KNL1: variants seen among roughly 807,000 people sequenced by gnomAD.
KNL1 encodes kinetochore scaffold 1.
A neutral mutation model predicts 201.3 loss-of-function variants in KNL1; 66 were observed. The observed-to-expected ratio is 0.33, with a 90% CI of 0.27 to 0.40. The LOEUF (loss-of-function observed/expected upper bound fraction) is 0.40, where lower values mean the gene tolerates loss of function less well. Ranked by LOEUF, KNL1 falls within the 10% of genes least tolerant of loss-of-function variation. KNL1 has a pLI of 1.00. For synonymous variants in KNL1, 895 were observed against 899.2 expected (o/e 1.00, Z 0.08); for missense variants, 2,815 against 2,690.5 (o/e 1.05, Z -1.02).
Position 40,606,457 on chromosome 15 carries a change from G to A in KNL1, c.135+5G>A, listed in dbSNP as rs757471811. 7 of 1,498,462 alleles carry A rather than the reference G, an allele frequency of 4.7e-6. No homozygotes were observed. The African/African-American group carries it at 8.2e-5, about 18-fold the overall frequency. 92.8% of individuals were successfully genotyped at this position (1,498,462 alleles called of 1,614,324 possible). On this transcript the variant is annotated splice_donor_5th_base_variant and intron_variant, in intron 4 of 25. Coordinates refer to ENST00000399668, the MANE Select transcript of KNL1 (RefSeq NM_144508.5). ...GGTGGGAATGAAAGAGTTCAGGTAA[G>A]TCTTTTGTGCAAATACTTTATAGAT...
At chr15:40,611,576 G>A (rs746640757) in intron 7 of KNL1, 65 bp downstream of exon 7, 2 of 175,972 alleles carry the variant, frequency 1.1e-5, no homozygotes, top group Non-Finnish European at 2.6e-5. Context: ...TCTTATTTTT[G>A]TGTTCCTTTT....
rs1428751835 is a variant in KNL1 at position 40,623,977 on chromosome 15, A to G, written c.3713A>G (p.Asn1238Ser). The change falls in exon 10 of 26, where the codon AAT (asparagine) becomes AGT (serine). Residue 1238 changes from asparagine (N) to serine (S), a missense_variant. Transcript: ENST00000399668. ...EQKQQLFAAT[N>S]RTTNEIIKFH... Reference sequence around the variant, plus strand: ...AAGCAACAACTCTTTGCTGCTACTAATAGAACTACTAATGAAATCATCAAA... The same window carrying G: ...AAGCAACAACTCTTTGCTGCTACTAGTAGAACTACTAATGAAATCATCAAA... 3 of 1,613,748 alleles carry G rather than the reference A, an allele frequency of 1.9e-6. No individual in the cohort carries two copies. Among genetic ancestry groups the G allele is most frequent in the Non-Finnish European group, 8.5e-7 (1 of 1,179,826 alleles).
At chr15:40,651,740 G>C (rs908060009) in intron 20 of KNL1, among the ~76,000 whole-genome samples, 168 bp downstream of exon 20, 5 of 152,142 alleles carry the variant, frequency 3.3e-5, no homozygotes, top group South Asian at 2.1e-4. Context: ...TAGAGTAGAA[G>C]AACTATGGAA....
At chr15:40,626,505 G>A (rs967728860) in intron 10 of KNL1, among the ~76,000 whole-genome samples, 1 of 151,990 alleles carries the variant, frequency 6.6e-6, no homozygotes, top group Non-Finnish European at 1.5e-5. Flanking sequence ...TAGATTATCT[G>A]CTATGTCTTA....
At chr15:40,614,861 T>C (rs915628446) in intron 7 of KNL1, among the ~76,000 whole-genome samples, 1 of 152,164 alleles carries the variant, frequency 6.6e-6, no homozygotes, top group Non-Finnish European at 1.5e-5. Flanking sequence ...AGGTCATTTT[T>C]TGAAAAAATA....
At position 40,620,633 on chromosome 15, in the gene KNL1, A is replaced by T; in HGVS notation, c.376-7A>T. 6.5e-7 allele frequency: 1 copy of T among 1,538,252 alleles called. No individual in the cohort carries two copies. The highest frequency in any genetic ancestry group is 8.7e-7 in the Non-Finnish European group (1 of 1,144,926). On this transcript the variant is annotated splice_polypyrimidine_tract_variant and splice_region_variant and intron_variant, in intron 9 of 25. Transcript: ENST00000399668. Reference sequence around the variant, plus strand: ...TTCTGATCTCTTATATTTTGCTTTCATTATAGTTTTCAATTATAGAACATA... The same window carrying T: ...TTCTGATCTCTTATATTTTGCTTTCTTTATAGTTTTCAATTATAGAACATA...
intron 1 of KNL1, among the ~76,000 whole-genome samples, chr15:40,602,472 T>TTTCC (rs1891837327): frequency 7.4e-6 from 1 of 135,626 alleles, no homozygotes; most frequent in East Asian, 2.1e-4. Context: ...ATGTAGTTTT[T>TTTCC]TTCCTTCCTT....
At position 40,621,628 on chromosome 15, in the gene KNL1, A is replaced by G. The variant is rs779247928; in HGVS notation, c.1364A>G (p.His455Arg). 6 of 1,612,508 alleles carry G rather than the reference A, an allele frequency of 3.7e-6. No homozygotes were observed. The highest frequency in any genetic ancestry group is 5.1e-6 in the Non-Finnish European group (6 of 1,179,238). The change falls in exon 10 of 26, where the codon CAT (histidine) becomes CGT (arginine). Residue 455 changes from histidine to arginine, a missense_variant. Coordinates refer to ENST00000399668, the MANE Select transcript of KNL1 (RefSeq NM_144508.5). ...NMREEKNLLKHDSNYAKMYCN... is the reference protein window; with the variant it reads ...NMREEKNLLKRDSNYAKMYCN... ...AGAGAGGAGAAAAATTTGCTAAAGC[A>G]TGACAGTAATTATGCTAAAATGTAT...
Position 40,628,082 on chromosome 15 carries a change from C to A in KNL1, c.5389C>A (p.His1797Asn). Residue 1797 changes from histidine (H) to asparagine (N), a missense_variant, in exon 11 of 26, where the codon CAT (histidine) becomes AAT (asparagine). Transcript: ENST00000399668. ...TTQDREIFDH[H>N]TEEDIDKSAN... ...TTGACAATTTCAGATTTTTGATCAC[C>A]ATACTGAAGAGGATATAGATAAAAG... The A allele has an allele frequency of 6.3e-7, 1 of 1,595,944 alleles. No individual in the cohort carries two copies. Among genetic ancestry groups the A allele is most frequent in the Non-Finnish European group, 8.5e-7 (1 of 1,173,248 alleles).
rs572095898 is a variant in KNL1, at chr15:40,596,869, G to T, written c.-18+2477G>T. On this transcript the variant is annotated intron_variant, in intron 1 of 25. Transcript: ENST00000399668. ...TACAAAATTAGCCAAGCGTGGTGGC[G>T]CATGCCTGTAATCCCAGCTACTTGG... 4.0e-5 allele frequency among the ~76,000 whole-genome samples: 6 copies of T among 151,642 alleles called. No homozygotes were observed. The South Asian group carries it at 1.3e-3, about 32-fold the overall frequency.
chr15:40,645,129 T>C, intron 15 of KNL1, 42 bp downstream of exon 15: 1 of 1,299,546 alleles, frequency 7.7e-7, no homozygotes, highest in Non-Finnish European at 1.1e-6. Flanking sequence ...AGTGAAGACA[T>C]TCTGAACGAT....
At chr15:40,606,925 A>AATTTTTT (rs1270974297) in intron 4 of KNL1, among the ~76,000 whole-genome samples, 1 of 152,066 alleles carries the variant, frequency 6.6e-6, no homozygotes, top group Non-Finnish European at 1.5e-5. Context: ...ATGCCCGGCT[A>AATTTTTT]ATTTTTTATT....
chr15:40,641,316 G>A (rs1460053954), intron 14 of KNL1, among the ~76,000 whole-genome samples: 6 of 152,124 alleles, frequency 3.9e-5, no homozygotes, highest in Non-Finnish European at 2.9e-5. Flanking sequence ...AATAGAAATG[G>A]CGTATATAAA....
rs7168217 is a variant in KNL1 at position 40,651,124 on chromosome 15, A to T, written c.6213-347A>T. On this transcript the variant is annotated intron_variant, in intron 19 of 25. Transcript: ENST00000399668. The stretch of plus-strand genomic sequence containing the variant: ...TCTCAGTTTTAAAGTATATCTTATG[A>T]TCTACATTATGCTTATATTTTTATA... Among the ~76,000 whole-genome samples the T allele has an allele frequency of 0.018, 2,778 of 151,952 alleles. 84 individuals are homozygous for T. The highest frequency in any genetic ancestry group is 0.064 in the African/African-American group (2,674 of 41,482).
chr15:40,636,757 GGA>G (rs1893066741), intron 13 of KNL1, among the ~76,000 whole-genome samples: 1 of 152,146 alleles, frequency 6.6e-6, no homozygotes, highest in Non-Finnish European at 1.5e-5. Context: ...CTTGAACCCG[GGA>G]GATGGAGGCT....
At chr15:40,661,984 T>C (rs1465010088) in intron 25 of KNL1, 90 bp from the exon 26 acceptor site, 3 of 689,736 alleles carry the variant, frequency 4.3e-6, no homozygotes, top group Admixed American at 2.0e-5. Flanking sequence ...GAGCTTGCAG[T>C]GAGCGGATTG....
Position 40,622,015 on chromosome 15 carries a change from G to A in KNL1, c.1751G>A (p.Ser584Asn), listed in dbSNP as rs771306914. The A allele has an allele frequency of 6.2e-7, 1 of 1,614,086 alleles. No homozygotes were observed. Among genetic ancestry groups the A allele is most frequent in the South Asian group, 1.1e-5 (1 of 91,076 alleles). Residue 584 changes from serine to asparagine, a missense_variant, in exon 10 of 26, where the codon AGT becomes AAT. Transcript: ENST00000399668. ...LTESHTSNLG[S>N]QVPLAAYNLA... ...GAAAGTCACACAAGTAACTTAGGAA[G>A]TCAGGTTCCTCTTGCAGCTTATAAT...
At chr15:40,602,837 T>A (rs1402162623) in intron 1 of KNL1, 78 bp from the exon 2 acceptor site, 2 of 804,284 alleles carry the variant, frequency 2.5e-6, no homozygotes, top group Non-Finnish European at 4.1e-6. Flanking sequence ...AGTCACCATC[T>A]GTACTCTTAA....
intron 1 of KNL1, among the ~76,000 whole-genome samples, chr15:40,601,859 CTTTTTT>C (rs36046773): frequency 1.5e-5 from 1 of 64,620 alleles, no homozygotes; most frequent in Non-Finnish European, 2.7e-5. Flanking sequence ...AAAAATGCAT[CTTTTTT>C]TTTTTTTTTT....
Sources: allele counts gnomAD v4.1 joint callset (sites outside exome capture counted in the v4.1 genomes callset), GRCh38; gene constraint gnomAD v4.1.1; transcripts MANE v1.5; gene names NCBI Gene and HGNC (gene_info 2026-07-23, HGNC 2026-07-21).